Variants in ITFG1 observed in about 807,000 individuals in gnomAD.
ITFG1 encodes integrin alpha FG-GAP repeat containing 1.
Under a neutral mutation model 81.8 loss-of-function variants are expected in ITFG1, and 34 were observed. That is an observed-to-expected ratio of 0.42 (90% CI 0.32 to 0.55). ITFG1 has a LOEUF of 0.55. ITFG1 is among the 20% of genes least tolerant of loss of function. The pLI, the probability that ITFG1 is intolerant of heterozygous loss-of-function variation, is 0.17. For missense variants in ITFG1, 672 were observed against 755.4 expected (o/e 0.89, Z 1.29); for synonymous variants, 285 against 270.6 (o/e 1.05, Z -0.52).
chr16:47,364,179 T>G (rs1341763139), intron 8 of ITFG1, among the ~76,000 whole-genome samples: 2 of 152,226 alleles, frequency 1.3e-5, no homozygotes, highest in South Asian at 2.1e-4. Flanking sequence ...AAAGCCAATG[T>G]GTGATATTTA....
intron 13 of ITFG1, among the ~76,000 whole-genome samples, chr16:47,221,514 T>C (rs1433490780): frequency 6.6e-6 from 1 of 152,240 alleles, no homozygotes; most frequent in African/African-American, 2.4e-5. Context: ...TTTGCATCAA[T>C]GTTCATCAAG....
intron 8 of ITFG1, among the ~76,000 whole-genome samples, chr16:47,348,208 G>A (rs540791568): frequency 6.6e-6 from 1 of 152,336 alleles, no homozygotes; most frequent in Admixed American, 6.5e-5. Context: ...AAAGCTGGAC[G>A]GAGAATAACT....
chr16:47,444,432 A>G (rs1969296620), intron 5 of ITFG1, among the ~76,000 whole-genome samples: 2 of 152,224 alleles, frequency 1.3e-5, no homozygotes, highest in South Asian at 4.1e-4. Flanking sequence ...TATTGAAAAA[A>G]GAATAACACT....
intron 14 of ITFG1, among the ~76,000 whole-genome samples, chr16:47,197,251 T>C (rs1444777442): frequency 6.6e-6 from 1 of 152,188 alleles, no homozygotes; most frequent in African/African-American, 2.4e-5. Flanking sequence ...TGAAAACAGT[T>C]AGTTACCTTC....
intron 10 of ITFG1, among the ~76,000 whole-genome samples, chr16:47,261,441 T>C (rs1471969857): frequency 6.6e-6 from 1 of 152,214 alleles, no homozygotes; most frequent in Non-Finnish European, 1.5e-5. Flanking sequence ...ATCCAGTTAG[T>C]ACTCAATGAA....
At chr16:47,338,402 C>T (rs1967736869) in intron 8 of ITFG1, among the ~76,000 whole-genome samples, 1 of 152,026 alleles carries the variant, frequency 6.6e-6, no homozygotes, top group East Asian at 1.9e-4. Context: ...GAGCAAAACT[C>T]CTTCTCAAAA....
intron 10 of ITFG1, among the ~76,000 whole-genome samples, chr16:47,309,094 C>T (rs1353017998): frequency 1.4e-5 from 2 of 138,638 alleles, no homozygotes; most frequent in Admixed American, 7.7e-5. Flanking sequence ...TTTGAGATGG[C>T]GTCTTGCTCT....
At chr16:47,235,770 T>C (rs1404712055) in intron 13 of ITFG1, among the ~76,000 whole-genome samples, 1 of 149,420 alleles carries the variant, frequency 6.7e-6, no homozygotes, top group East Asian at 1.9e-4. Context: ...TTTACTATGA[T>C]CTGATGTCAA....
intron 13 of ITFG1, among the ~76,000 whole-genome samples, chr16:47,220,402 G>C (rs781288041): frequency 1.1e-4 from 16 of 152,228 alleles, no homozygotes; most frequent in Non-Finnish European, 2.1e-4. Flanking sequence ...CGGATATTCC[G>C]ACTTGGGTAT....
intron 14 of ITFG1, among the ~76,000 whole-genome samples, chr16:47,181,336 C>T (rs1393272449): frequency 5.3e-5 from 8 of 151,200 alleles, no homozygotes; most frequent in African/African-American, 1.7e-4. Flanking sequence ...GCAGCCGCCC[C>T]GTCCGGGAGG....
intron 14 of ITFG1, among the ~76,000 whole-genome samples, chr16:47,166,761 T>C (rs1387072903): frequency 2.2e-3 from 2 of 912 alleles, no homozygotes; most frequent in African/African-American, 2.5e-3. Flanking sequence ...AAGAATGCTT[T>C]AGTTTGCACC....
upstream of ITFG1, chr16:47,461,222 T>C: frequency 4.1e-6 from 4 of 977,438 alleles, no homozygotes; most frequent in South Asian, 3.3e-5. Context: ...GCAGTGGAGC[T>C]AGGGTGAAAG....
At chr16:47,291,818 A>T (rs1440135801) in intron 10 of ITFG1, among the ~76,000 whole-genome samples, 1 of 151,984 alleles carries the variant, frequency 6.6e-6, no homozygotes, top group Non-Finnish European at 1.5e-5. Flanking sequence ...ATTATGATTT[A>T]TACCCCTTTG....
intron 12 of ITFG1, among the ~76,000 whole-genome samples, chr16:47,246,667 A>C (rs1966005569): frequency 6.6e-6 from 1 of 152,142 alleles, no homozygotes; most frequent in South Asian, 2.1e-4. Flanking sequence ...TCTGCTAGCT[A>C]TGTATGTTTG....
chr16:47,176,416 TAAC>T (rs1965024813), intron 14 of ITFG1, among the ~76,000 whole-genome samples: 1 of 152,136 alleles, frequency 6.6e-6, no homozygotes, highest in African/African-American at 2.4e-5. Flanking sequence ...AGCTGGATAA[TAAC>T]AGGAATGGCA....
chr16:47,208,475 T>C (rs1275778118), intron 14 of ITFG1, among the ~76,000 whole-genome samples: 5 of 152,220 alleles, frequency 3.3e-5, no homozygotes, highest in Non-Finnish European at 5.9e-5. Context: ...TATGAGGCAC[T>C]GTATCTTCTA....
chr16:47,302,849 T>C (rs1039112299), intron 10 of ITFG1, among the ~76,000 whole-genome samples: 3 of 152,240 alleles, frequency 2.0e-5, no homozygotes, highest in Non-Finnish European at 4.4e-5. Context: ...CCTTGTTACC[T>C]GACTTACATT....
intron 6 of ITFG1, among the ~76,000 whole-genome samples, chr16:47,388,071 C>G (rs1038519998): frequency 5.9e-5 from 9 of 151,938 alleles, no homozygotes; most frequent in Admixed American, 5.2e-4. Context: ...ATAAAAAATT[C>G]ACTTGAGGGG....
At chr16:47,433,420 C>A (rs1030667792) in intron 5 of ITFG1, among the ~76,000 whole-genome samples, 1 of 152,162 alleles carries the variant, frequency 6.6e-6, no homozygotes, top group Non-Finnish European at 1.5e-5. Context: ...ACAGAGCTAG[C>A]GTCTAAAGAC....
Sources: gnomAD v4.1 joint callset for allele counts (sites outside exome capture counted in the v4.1 genomes callset) on GRCh38, gnomAD v4.1.1 for gene constraint, MANE v1.5 for transcripts, NCBI Gene and HGNC (gene_info 2026-07-23, HGNC 2026-07-21) for gene names.